Variants in FHAD1 observed in about 807,000 individuals in gnomAD.
FHAD1 encodes forkhead associated phosphopeptide binding domain 1.
Under a neutral mutation model 191.3 loss-of-function variants are expected in FHAD1, and 146 were observed. The observed-to-expected ratio is 0.76, with a 90% CI of 0.67 to 0.88. The LOEUF (loss-of-function observed/expected upper bound fraction) is 0.88. Among genes scored for constraint, FHAD1 ranks in the 40% least tolerant of loss-of-function variants. The probability of loss-of-function intolerance (pLI) is 0.00; values close to 1 mark genes in which losing one functional copy is unlikely to be tolerated. For synonymous variants in FHAD1, 616 were observed against 672.3 expected (o/e 0.92, Z 1.29); for missense variants, 1,635 against 1,785.8 (o/e 0.92, Z 1.52).
chr1:15,348,100 C>T (rs1340126978), intron 18 of FHAD1, among the ~76,000 whole-genome samples: 1 of 152,222 alleles, frequency 6.6e-6, no homozygotes, highest in Non-Finnish European at 1.5e-5. Flanking sequence ...TTCAAAGGAT[C>T]CAAATAAACG....
Position 15,377,793 on chromosome 1 carries a change from T to C in FHAD1, c.3705+2063T>C, listed in dbSNP as rs140572775. On this transcript the variant is annotated intron_variant, in intron 28 of 33. Transcript: ENST00000688493. ...GCTGCAGTGAGCCAAGATCACATGA[T>C]TGCACTCTGGCCTGGGTGACAGAAT... Among the ~76,000 whole-genome samples the C allele has an allele frequency of 4.2e-3, 645 of 151,850 alleles. 14 individuals are homozygous for C. The East Asian group carries it at 0.049, about 11-fold the overall frequency.
At chr1:15,338,103 G>A (rs868069647) in intron 14 of FHAD1, among the ~76,000 whole-genome samples, 8 of 152,080 alleles carry the variant, frequency 5.3e-5, no homozygotes, top group Non-Finnish European at 7.4e-5. Flanking sequence ...GCACTTCCCG[G>A]GAGGAGCACT....
intron 29 of FHAD1, 24 bp downstream of exon 29, chr1:15,380,820 T>G (rs1379828907): frequency 1.9e-6 from 3 of 1,543,328 alleles, no homozygotes; most frequent in Non-Finnish European, 2.6e-6. Context: ...GCATCCACCC[T>G]GCTCCTATCC....
chr1:15,246,667 G>A (rs2100666083), upstream of FHAD1, among the ~76,000 whole-genome samples: 1 of 152,266 alleles, frequency 6.6e-6, no homozygotes, highest in South Asian at 2.1e-4. Flanking sequence ...ATGAATAAAT[G>A]TCACTCTTAA....
At chr1:15,251,994 G>A (rs1646838207) in intron 2 of FHAD1, 117 bp downstream of exon 2, 1 of 839,512 alleles carries the variant, frequency 1.2e-6, no homozygotes, top group East Asian at 2.7e-5. Flanking sequence ...TGGGCAAGCA[G>A]CCATACCTTT....
rs553014783 is a variant in FHAD1, at chr1:15,375,729, C to T, written c.3704C>T (p.Ala1235Val). 2.9e-5 allele frequency: 44 copies of T among 1,531,036 alleles called. No homozygotes were observed. The highest frequency in any genetic ancestry group is 2.5e-5 in the East Asian group (1 of 40,764). 94.8% of individuals were successfully genotyped at this position (1,531,036 alleles called of 1,614,324 possible). ...ACTCTCTCAAGAATAGAGATCCTAG[C>T]GGTAACCAAAGAAAATTCTCTCTGC... ...LPTLSRIEIL[A>V]PQNGLCNARF... is the part of the protein sequence containing the mutation. Residue 1235 changes from alanine (A) to valine (V), a missense_variant and splice_region_variant, in exon 28 of 34, where the codon GCG becomes GTG. Ala to Val is a moderately conservative substitution (Grantham distance 64). Coordinates refer to ENST00000688493, the MANE Select transcript of FHAD1 (RefSeq NM_001391957.1).
At position 15,380,805 on chromosome 1, in the gene FHAD1, A is replaced by C; in HGVS notation, c.3801+9A>C. 6.5e-7 allele frequency: 1 copy of C among 1,549,974 alleles called. No homozygotes were observed. The highest frequency in any genetic ancestry group is 8.7e-7 in the Non-Finnish European group (1 of 1,145,778). On this transcript the variant is annotated intron_variant, in intron 29 of 33. Transcript: ENST00000688493. Reference sequence around the variant, plus strand: ...AGCTCAGTGAAAAGCTGGTATGTACATCCAGCATCCACCCTGCTCCTATCC... The same window carrying C: ...AGCTCAGTGAAAAGCTGGTATGTACCTCCAGCATCCACCCTGCTCCTATCC...
chr1:15,347,352 C>T (rs1689268087), intron 18 of FHAD1, among the ~76,000 whole-genome samples: 1 of 152,244 alleles, frequency 6.6e-6, no homozygotes, highest in Non-Finnish European at 1.5e-5. Context: ...GGTTGGGTCA[C>T]CCCGCGTCTG....
chr1:15,359,264 C>T (rs1414242390), intron 21 of FHAD1, among the ~76,000 whole-genome samples: 1 of 152,088 alleles, frequency 6.6e-6, no homozygotes, highest in Non-Finnish European at 1.5e-5. Flanking sequence ...GGAGAGAAAG[C>T]AAGACAAGAG....
chr1:15,320,880 A>G (rs552397475), intron 10 of FHAD1, among the ~76,000 whole-genome samples: 1 of 152,182 alleles, frequency 6.6e-6, no homozygotes, highest in African/African-American at 2.4e-5. Flanking sequence ...TGTACTACCT[A>G]TGTTCCTTTT....
At chr1:15,357,494 G>A (rs1310276325) in intron 20 of FHAD1, among the ~76,000 whole-genome samples, 4 of 152,086 alleles carry the variant, frequency 2.6e-5, no homozygotes, top group Admixed American at 6.5e-5. Flanking sequence ...GTGGTAGCGT[G>A]TGCCTGTAGT....
chr1:15,354,947 G>A (rs1445799270), intron 20 of FHAD1, among the ~76,000 whole-genome samples: 1 of 149,884 alleles, frequency 6.7e-6, no homozygotes, highest in Non-Finnish European at 1.5e-5. Flanking sequence ...AGTGACTCAC[G>A]CCTGTAATCC....
At chr1:15,323,369 C>G (rs1272821762) in intron 10 of FHAD1, among the ~76,000 whole-genome samples, 1 of 152,188 alleles carries the variant, frequency 6.6e-6, no homozygotes, top group Non-Finnish European at 1.5e-5. Context: ...ATTTGAAAAA[C>G]GTCCGCCGAA....
chr1:15,323,796 A>G (rs1677208502), intron 10 of FHAD1, among the ~76,000 whole-genome samples: 1 of 152,092 alleles, frequency 6.6e-6, no homozygotes, highest in South Asian at 2.1e-4. Flanking sequence ...AAAATGGGCA[A>G]GTTTCCCCAC....
chr1:15,319,091 A>G (rs1241799551), intron 10 of FHAD1, among the ~76,000 whole-genome samples: 1 of 152,184 alleles, frequency 6.6e-6, no homozygotes, highest in African/African-American at 2.4e-5. Flanking sequence ...CAGCCTCCCA[A>G]AGTGCTGGGA....
In FHAD1 at chr1:15,312,447, G is replaced by C. The variant is rs1167517460; in HGVS notation, c.1040-610G>C. Among the ~76,000 whole-genome samples, 1 of 152,130 alleles carries C rather than the reference G, an allele frequency of 6.6e-6. No individual in the cohort carries two copies. Among genetic ancestry groups the C allele is most frequent in the East Asian group, 1.9e-4 (1 of 5,190 alleles). ...AGACAGAGGCTGGTGGATTGCTTCA[G>C]CCTGGGAGTTTGAGACCCGCCTGGG... On this transcript the variant is annotated intron_variant, in intron 7 of 33. Transcript: ENST00000688493. The surrounding 1 kb of genome is among the most constrained non-coding windows in gnomAD (Gnocchi z 4.7).
Position 15,324,576 on chromosome 1 carries a change from GCC to G in FHAD1, c.1473+22_1473+23del. The G allele has an allele frequency of 6.6e-7, 1 of 1,522,982 alleles. No homozygotes were observed. Among genetic ancestry groups the G allele is most frequent in the Admixed American group, 2.0e-5 (1 of 50,938 alleles). The allele number at this position is 1,522,982 out of a possible 1,614,324, so 94.3% of individuals were successfully genotyped here. On this transcript the variant is annotated intron_variant, in intron 11 of 33. Transcript: ENST00000688493. ...GTAGGTCAGGTAGGCATGTTCCAGA[GCC>G]CCCCTCATTGGCCCACGCTCTCCAA...
chr1:15,333,442 T>TA (rs1459468509), intron 14 of FHAD1, among the ~76,000 whole-genome samples: 1 of 152,190 alleles, frequency 6.6e-6, no homozygotes, highest in African/African-American at 2.4e-5. Flanking sequence ...ATATTCTAGA[T>TA]ACGGTTCTCA....
At chr1:15,326,993 GA>G in intron 11 of FHAD1, 65 bp from the exon 12 acceptor site, 1 of 985,770 alleles carries the variant, frequency 1.0e-6, no homozygotes, top group Non-Finnish European at 1.6e-6. Flanking sequence ...CCCTGCCATG[GA>G]AACGCTGCCC....
Sources: gnomAD v4.1 joint callset for allele counts (sites outside exome capture counted in the v4.1 genomes callset) on GRCh38, gnomAD v4.1.1 for gene constraint, Gnocchi (gnomAD v3.1) non-coding constraint, MANE v1.5 for transcripts, NCBI Gene and HGNC (gene_info 2026-07-23, HGNC 2026-07-21) for gene names.